The following NELL1 variants were observed in gnomAD, a reference collection of about 807,000 sequenced individuals.
The protein encoded by NELL1 is neural EGFL like 1, also known as protein kinase C-binding protein NELL1.
In NELL1, 76 loss-of-function variants were observed where a neutral mutation model predicts 107.4. That is an observed-to-expected ratio of 0.71 (90% CI 0.59 to 0.86). The LOEUF is 0.86. Ranked by LOEUF, NELL1 falls within the 40% of genes least tolerant of loss-of-function variation. The pLI is 0.00. For synonymous variants in NELL1, 353 were observed against 341.2 expected (o/e 1.03, Z -0.38); for missense variants, 1,024 against 1,005.5 (o/e 1.02, Z -0.25).
At chr11:21,489,196 C>G (rs76067362) in intron 15 of NELL1, among the ~76,000 whole-genome samples, 7,794 of 151,338 alleles carry the variant, frequency 0.052, 440 homozygotes, top group East Asian at 0.17. Context: ...GGATAAATTC[C>G]TGGAAACATA....
chr11:20,821,338 G>C (rs1410035766), intron 3 of NELL1, among the ~76,000 whole-genome samples: 1 of 152,160 alleles, frequency 6.6e-6, no homozygotes, highest in African/African-American at 2.4e-5. Flanking sequence ...CCACTGAGCA[G>C]CTTGCTCTCA....
At chr11:20,733,155 C>T (rs1302072756) in intron 2 of NELL1, among the ~76,000 whole-genome samples, 3 of 152,174 alleles carry the variant, frequency 2.0e-5, no homozygotes, top group Non-Finnish European at 4.4e-5. Flanking sequence ...TTCCTCCCTG[C>T]CATCCCTCTT....
chr11:21,014,413 C>A (rs1852518610), intron 12 of NELL1, among the ~76,000 whole-genome samples: 1 of 152,124 alleles, frequency 6.6e-6, no homozygotes, highest in African/African-American at 2.4e-5. Flanking sequence ...TCTAAGACAG[C>A]TTAATGAAGA....
chr11:21,217,874 A>G (rs1452682465), intron 13 of NELL1, among the ~76,000 whole-genome samples: 2 of 152,194 alleles, frequency 1.3e-5, no homozygotes, highest in Non-Finnish European at 2.9e-5. Context: ...CAATGTGTCA[A>G]TTGATCATGG....
chr11:20,863,120 C>T (rs181768793), intron 4 of NELL1, among the ~76,000 whole-genome samples: 1,670 of 152,308 alleles, frequency 0.011, 24 homozygotes, highest in African/African-American at 0.037. Context: ...TTGGGTACAC[C>T]TCCTAGATGG....
intron 3 of NELL1, among the ~76,000 whole-genome samples, chr11:20,836,400 C>A (rs575684510): frequency 6.6e-6 from 1 of 151,974 alleles, no homozygotes; most frequent in East Asian, 1.9e-4. Flanking sequence ...CAGTTTCTTA[C>A]AAAGCTAAAC....
intron 14 of NELL1, among the ~76,000 whole-genome samples, chr11:21,360,520 T>C (rs1487445633): frequency 4.6e-5 from 7 of 152,136 alleles, no homozygotes; most frequent in Admixed American, 6.5e-5. Flanking sequence ...TTCTAGGGTA[T>C]AGTTTAAGTC....
chr11:21,174,762 A>G (rs1041195035), intron 13 of NELL1, among the ~76,000 whole-genome samples: 14 of 151,752 alleles, frequency 9.2e-5, no homozygotes, highest in African/African-American at 3.2e-4. Flanking sequence ...CAGATTAGCT[A>G]TAATATGGCT....
intron 12 of NELL1, among the ~76,000 whole-genome samples, chr11:21,045,720 A>G (rs1853338465): frequency 6.6e-6 from 1 of 152,156 alleles, no homozygotes; most frequent in Admixed American, 6.6e-5. Context: ...AGTCTTCCAG[A>G]CTAACATAGC....
intron 15 of NELL1, among the ~76,000 whole-genome samples, chr11:21,420,854 C>T (rs1590919502): frequency 6.6e-6 from 1 of 152,208 alleles, no homozygotes; most frequent in Middle Eastern, 3.4e-3. Context: ...CAGTCTGGCA[C>T]TTTTCAAGAG....
chr11:20,762,917 G>C (rs560390288), intron 2 of NELL1, among the ~76,000 whole-genome samples: 2 of 151,246 alleles, frequency 1.3e-5, no homozygotes, highest in African/African-American at 4.8e-5. Context: ...ACAGCAGCAC[G>C]GGGTTGAAGA....
Position 20,928,443 on chromosome 11 carries a change from G to T in NELL1, c.961G>T (p.Val321Leu). 2 of 1,614,004 alleles carry T rather than the reference G, an allele frequency of 1.2e-6. No homozygotes were observed. The highest frequency in any genetic ancestry group is 2.2e-5 in the South Asian group (2 of 91,084). The change falls in exon 9 of 20, where the codon GTG (valine) becomes TTG (leucine). Residue 321 changes from valine to leucine, a missense_variant. Physicochemically the swap from Val to Leu is conservative, Grantham distance 32 (BLOSUM62 1). Transcript: ENST00000357134. ...PLNCSPDSLPVHIAGQCCKVC... is the reference protein window; with the variant it reads ...PLNCSPDSLPLHIAGQCCKVC... ...CAATTGCTCCCCAGACTCCCTCCCA[G>T]TGCACATTGCTGGCCAGTGCTGTAA...
chr11:21,067,625 G>C (rs776606778), intron 12 of NELL1, among the ~76,000 whole-genome samples: 22 of 152,200 alleles, frequency 1.4e-4, no homozygotes, highest in Admixed American at 1.0e-3. Context: ...AAAACTAACT[G>C]CAGGTGAATT....
intron 12 of NELL1, among the ~76,000 whole-genome samples, chr11:21,011,183 A>G (rs1293430207): frequency 6.6e-6 from 1 of 152,160 alleles, no homozygotes; most frequent in Non-Finnish European, 1.5e-5. Context: ...AATCAAATGC[A>G]GAAATCAACC....
chr11:21,271,482 T>C (rs548502106), intron 14 of NELL1, among the ~76,000 whole-genome samples: 75 of 152,266 alleles, frequency 4.9e-4, no homozygotes, highest in Non-Finnish European at 1.5e-5. Flanking sequence ...GAACCAATAA[T>C]TAATAACAGT....
At chr11:21,343,065 A>G (rs1425362071) in intron 14 of NELL1, among the ~76,000 whole-genome samples, 3 of 152,088 alleles carry the variant, frequency 2.0e-5, no homozygotes, top group South Asian at 2.1e-4. Context: ...TAAGTCTAAC[A>G]GCTTTTGGTT....
chr11:20,761,928 C>A (rs535775421), intron 2 of NELL1, among the ~76,000 whole-genome samples: 54 of 152,290 alleles, frequency 3.5e-4, no homozygotes, highest in Non-Finnish European at 6.9e-4. Context: ...AGAGTCTGAA[C>A]TTTGAAGGGA....
chr11:21,244,768 T>G (rs1323953359), intron 14 of NELL1, among the ~76,000 whole-genome samples: 1 of 152,146 alleles, frequency 6.6e-6, no homozygotes, highest in Non-Finnish European at 1.5e-5. Context: ...TTGTCCGTGT[T>G]CTACCTGCAA....
At chr11:20,690,064 T>G (rs1201660868) in intron 2 of NELL1, among the ~76,000 whole-genome samples, 1 of 152,182 alleles carries the variant, frequency 6.6e-6, no homozygotes, top group Non-Finnish European at 1.5e-5. Context: ...TCATGTGTCT[T>G]CTGGCTGCAT....
Sources: allele counts gnomAD v4.1 joint callset (sites outside exome capture counted in the v4.1 genomes callset), GRCh38; gene constraint gnomAD v4.1.1; transcripts MANE v1.5; gene names NCBI Gene and HGNC (gene_info 2026-07-23, HGNC 2026-07-21).